The following NR3C2 variants were observed in gnomAD, a reference collection of about 807,000 sequenced individuals.
The protein encoded by NR3C2 is mineralocorticoid receptor.
NR3C2 carries 15 observed loss-of-function variants against 86.4 expected under a neutral mutation model. The ratio of observed to expected loss-of-function variants is 0.17; its 90% CI spans 0.12 to 0.27. The LOEUF (loss-of-function observed/expected upper bound fraction) is 0.27, where lower values mean the gene tolerates loss of function less well. Ranked by LOEUF, NR3C2 falls within the 10% of genes least tolerant of loss-of-function variation. The probability of loss-of-function intolerance (pLI) is 1.00; values close to 1 mark genes in which losing one functional copy is unlikely to be tolerated. For missense variants in NR3C2, 960 were observed against 1,195.6 expected (o/e 0.80, Z 2.91); for synonymous variants, 458 against 450.5 (o/e 1.02, Z -0.21).
chr4:148,424,086 A>T (rs1280701679), intron 2 of NR3C2, among the ~76,000 whole-genome samples: 1 of 152,246 alleles, frequency 6.6e-6, no homozygotes, highest in Non-Finnish European at 1.5e-5. Flanking sequence ...ACAATAAGGT[A>T]CATTGATAAC....
chr4:148,424,304 T>C (rs1163665279), intron 2 of NR3C2, among the ~76,000 whole-genome samples: 1 of 152,234 alleles, frequency 6.6e-6, no homozygotes, highest in Non-Finnish European at 1.5e-5. Flanking sequence ...TTGGAAAGGA[T>C]GTAATGAACT....
intron 3 of NR3C2, among the ~76,000 whole-genome samples, chr4:148,213,123 A>T (rs1369059967): frequency 7.7e-6 from 1 of 129,444 alleles, no homozygotes; most frequent in Non-Finnish European, 1.6e-5. Context: ...GAAGGAGAGG[A>T]AGGACAATGA....
intron 2 of NR3C2, among the ~76,000 whole-genome samples, chr4:148,385,839 G>A (rs1747238466): frequency 6.6e-6 from 1 of 152,138 alleles, no homozygotes; most frequent in Non-Finnish European, 1.5e-5. Context: ...GCTGAGGCAA[G>A]ACCCCCACAT....
intron 2 of NR3C2, among the ~76,000 whole-genome samples, chr4:148,374,877 T>C (rs1746595824): frequency 6.6e-6 from 1 of 152,144 alleles, no homozygotes; most frequent in Admixed American, 6.5e-5. Flanking sequence ...CAAAATCTGA[T>C]TATAAACATA....
chr4:148,293,494 G>A (rs193230900), intron 2 of NR3C2, among the ~76,000 whole-genome samples: 45 of 152,254 alleles, frequency 3.0e-4, no homozygotes, highest in Admixed American at 5.9e-4. Flanking sequence ...GTTAGTGTGG[G>A]TATGTTACCT....
At position 148,152,536 on chromosome 4, in the gene NR3C2, TCAAGGCAA is replaced by T; in HGVS notation, c.2435_2442del (p.Phe812Ter). The T allele has an allele frequency of 6.2e-7, 1 of 1,614,132 alleles. No individual in the cohort carries two copies. The highest frequency in any genetic ancestry group is 8.5e-7 in the Non-Finnish European group (1 of 1,179,990). Reference sequence around the variant, plus strand: ...TTCGTATGTTTGTACGATCTCCAGCTCAAGGCAAATGATGATAGACACATCCAAGAATA... The same window carrying T: ...TTCGTATGTTTGTACGATCTCCAGCTATGATGATAGACACATCCAAGAATA... On this transcript the variant is annotated frameshift_variant, in exon 6 of 9. Transcript: ENST00000358102. LOFTEE classifies it high-confidence loss of function.
At chr4:148,176,118 T>C (rs947891708) in intron 4 of NR3C2, among the ~76,000 whole-genome samples, 5 of 152,166 alleles carry the variant, frequency 3.3e-5, no homozygotes, top group African/African-American at 7.2e-5. Flanking sequence ...TGAAGGGAGA[T>C]GAAAGAAAGT....
intron 2 of NR3C2, among the ~76,000 whole-genome samples, chr4:148,361,591 C>T (rs769990313): frequency 4.1e-4 from 62 of 152,250 alleles, no homozygotes; most frequent in Non-Finnish European, 7.2e-4. Flanking sequence ...ACTCTGACAC[C>T]TTATTATCTG....
chr4:148,443,055 C>T, upstream of NR3C2: 4 of 846,954 alleles, frequency 4.7e-6, no homozygotes, highest in Non-Finnish European at 5.7e-6. Context: ...GTTCCTCTCC[C>T]AGCCCCTTTC....
At chr4:148,221,992 G>A (rs1737883237) in intron 3 of NR3C2, among the ~76,000 whole-genome samples, 1 of 151,534 alleles carries the variant, frequency 6.6e-6, no homozygotes, top group African/African-American at 2.4e-5. Flanking sequence ...ACATGTCTGT[G>A]TATGTATGTG....
chr4:148,105,939 C>A (rs1410218038), intron 8 of NR3C2, among the ~76,000 whole-genome samples: 1 of 152,148 alleles, frequency 6.6e-6, no homozygotes, highest in Non-Finnish European at 1.5e-5. Flanking sequence ...TGGGCAAAAG[C>A]TGGAAGGATT....
intron 2 of NR3C2, among the ~76,000 whole-genome samples, chr4:148,410,629 G>A (rs1020918691): frequency 1.3e-4 from 20 of 152,102 alleles, no homozygotes; most frequent in Non-Finnish European, 2.6e-4. Context: ...ACAACGGCCA[G>A]GGACCTTTCA....
chr4:148,442,560 T>C (rs1023918830), upstream of NR3C2: 1 of 769,522 alleles, frequency 1.3e-6, no homozygotes, highest in Non-Finnish European at 1.6e-6. Flanking sequence ...CAGGTTGCTA[T>C]CCCGCCCCCC....
At chr4:148,390,105 A>C (rs1579240602) in intron 2 of NR3C2, among the ~76,000 whole-genome samples, 1 of 151,484 alleles carries the variant, frequency 6.6e-6, no homozygotes, top group Non-Finnish European at 1.5e-5. Context: ...TATGATCAGG[A>C]ACCCTTCAAG....
intron 2 of NR3C2, among the ~76,000 whole-genome samples, chr4:148,426,827 C>T (rs1256224236): frequency 1.3e-5 from 2 of 152,344 alleles, no homozygotes; most frequent in Admixed American, 1.3e-4. Context: ...TCCCTGACCT[C>T]CAGACCAACA....
intron 2 of NR3C2, among the ~76,000 whole-genome samples, chr4:148,376,375 G>A (rs1214905236): frequency 6.6e-6 from 1 of 152,154 alleles, no homozygotes; most frequent in Non-Finnish European, 1.5e-5. Flanking sequence ...TTGCCCAACA[G>A]GAAGAACAAA....
chr4:148,270,546 C>G (rs1287338307), intron 2 of NR3C2, among the ~76,000 whole-genome samples: 3 of 152,128 alleles, frequency 2.0e-5, no homozygotes, highest in South Asian at 4.1e-4. Context: ...ATATTTATTT[C>G]AAACCTACTA....
chr4:148,423,387 C>T (rs1242843641), intron 2 of NR3C2, among the ~76,000 whole-genome samples: 3 of 152,146 alleles, frequency 2.0e-5, no homozygotes, highest in Non-Finnish European at 4.4e-5. Flanking sequence ...TTACTTATTC[C>T]TTGAATACTC....
At chr4:148,162,077 G>T (rs1734687632) in intron 4 of NR3C2, among the ~76,000 whole-genome samples, 1 of 152,154 alleles carries the variant, frequency 6.6e-6, no homozygotes, top group South Asian at 2.1e-4. Context: ...AATCCACCTG[G>T]AGTCAAGTGC....
Sources: allele counts gnomAD v4.1 joint callset (sites outside exome capture counted in the v4.1 genomes callset), GRCh38; gene constraint gnomAD v4.1.1; transcripts MANE v1.5; gene names NCBI Gene and HGNC (gene_info 2026-07-23, HGNC 2026-07-21).